LUC7L2: variants seen among roughly 807,000 people sequenced by gnomAD.
LUC7L2 encodes the protein LUC7 like 2, pre-mRNA splicing factor, also known as putative RNA-binding protein Luc7-like 2.
A neutral mutation model predicts 52.8 loss-of-function variants in LUC7L2; 25 were observed. That is an observed-to-expected ratio of 0.47 (90% CI 0.34 to 0.66). LUC7L2 has a LOEUF of 0.66. Ranked by LOEUF, LUC7L2 falls within the 30% of genes least tolerant of loss-of-function variation. The pLI, the probability that LUC7L2 is intolerant of heterozygous loss-of-function variation, is 0.01. For missense variants in LUC7L2, 328 were observed against 497.8 expected, an observed-to-expected ratio of 0.66 and a Z score of 3.25; for synonymous variants, 144 against 160.9, an observed-to-expected ratio of 0.89 and a Z score of 0.80.
At chr7:139,415,007 C>A (rs1454716248) in intron 8 of LUC7L2, among the ~76,000 whole-genome samples, 1 of 151,142 alleles carries the variant, frequency 6.6e-6, no homozygotes, top group African/African-American at 2.4e-5. Flanking sequence ...CTACCTTAGG[C>A]TCCCTAGTAG....
At chr7:139,407,022 T>TTTTTTTTGTG in intron 5 of LUC7L2, 152 bp from the exon 6 acceptor site, 1 of 319,780 alleles carries the variant, frequency 3.1e-6, no homozygotes, top group African/African-American at 2.3e-5. Context: ...TTTTTTTTTT[T>TTTTTTTTGTG]GAGCTGGAGT....
intron 1 of LUC7L2, among the ~76,000 whole-genome samples, chr7:139,368,652 T>G (rs555159599): frequency 2.0e-5 from 3 of 149,632 alleles, no homozygotes; most frequent in African/African-American, 7.6e-5. Flanking sequence ...GTTGGAGAAT[T>G]GTTTGAACCC....
intron 1 of LUC7L2, among the ~76,000 whole-genome samples, chr7:139,369,038 G>T (rs1183508147): frequency 6.6e-6 from 1 of 151,786 alleles, no homozygotes; most frequent in Non-Finnish European, 1.5e-5. Flanking sequence ...GGAGGCTCTA[G>T]TTGGCTTCTG....
chr7:139,357,380 G>A (rs1406065425), upstream of LUC7L2, among the ~76,000 whole-genome samples: 1 of 151,964 alleles, frequency 6.6e-6, no homozygotes, highest in African/African-American at 2.4e-5. Context: ...ATTATGTATT[G>A]TATAGACTAT....
intron 5 of LUC7L2, 101 bp from the exon 6 acceptor site, chr7:139,407,073 T>A (rs1435382909): frequency 1.6e-6 from 2 of 1,247,034 alleles, no homozygotes; most frequent in Non-Finnish European, 2.0e-6. Context: ...CTTTTGTGTA[T>A]TTTTTAGAAA....
chr7:139,407,926 AAAG>A (rs1161421521), intron 6 of LUC7L2, among the ~76,000 whole-genome samples: 30 of 152,350 alleles, frequency 2.0e-4, no homozygotes, highest in Non-Finnish European at 4.0e-4. Context: ...TAAACACAAA[AAAG>A]CATGGTGATA....
upstream of LUC7L2, among the ~76,000 whole-genome samples, chr7:139,355,062 T>C (rs925226796): frequency 6.6e-6 from 1 of 152,128 alleles, no homozygotes; most frequent in African/African-American, 2.4e-5. Context: ...GGTTTCTCCA[T>C]GTTGCCCAGG....
chr7:139,367,194 A>G (rs1441855836), intron 1 of LUC7L2, among the ~76,000 whole-genome samples: 2 of 151,832 alleles, frequency 1.3e-5, no homozygotes, highest in African/African-American at 2.4e-5. Context: ...CTGGTCTCAA[A>G]CTCCTGACCT....
chr7:139,395,669 C>T (rs780450607), intron 2 of LUC7L2, among the ~76,000 whole-genome samples: 1 of 152,178 alleles, frequency 6.6e-6, no homozygotes, highest in Admixed American at 6.5e-5. Context: ...GAGACAGGGT[C>T]TAGCTCTGTC....
intron 3 of LUC7L2, among the ~76,000 whole-genome samples, chr7:139,398,903 C>T (rs1385679402): frequency 6.6e-6 from 1 of 152,002 alleles, no homozygotes; most frequent in Admixed American, 6.6e-5. Context: ...GTGTAACAGT[C>T]GTATGATTCA....
In LUC7L2 at chr7:139,423,409, T is replaced by C. The variant is rs540090427; in HGVS notation, c.*1069T>C. On this transcript the variant is annotated 3_prime_UTR_variant, in exon 10 of 10. Coordinates refer to ENST00000354926, the MANE Select transcript of LUC7L2 (RefSeq NM_016019.5). Reference sequence around the variant, plus strand: ...ACCTGCAGAAGAAACTGGGGTGTTTTTATTCTCATTCAACAAACCCAAATA... The same window carrying C: ...ACCTGCAGAAGAAACTGGGGTGTTTCTATTCTCATTCAACAAACCCAAATA... 1 of 398,992 alleles carries C rather than the reference T, an allele frequency of 2.5e-6. No homozygotes were observed. Among genetic ancestry groups the C allele is most frequent in the South Asian group, 1.3e-4 (1 of 7,858 alleles). The allele number at this position is 398,992 out of a possible 1,614,324, so 24.7% of individuals were successfully genotyped here.
In LUC7L2 at chr7:139,422,616, T is replaced by C. The variant is rs1159976472; in HGVS notation, c.*276T>C. On this transcript the variant is annotated 3_prime_UTR_variant, in exon 10 of 10. Transcript: ENST00000354926. ...TTATTCTTTCAAGTAAGAGTGCTAG[T>C]GAACAAATTGTGTTACTTGCCTTGG... 7 of 609,172 alleles carry C rather than the reference T, an allele frequency of 1.1e-5. No individual in the cohort carries two copies. The African/African-American group carries it at 1.3e-4, about 12-fold the overall frequency. 37.7% of individuals were successfully genotyped at this position (609,172 alleles called of 1,614,324 possible). A position where few individuals can be genotyped will look rare whatever the true frequency, so the allele number is the denominator to read the frequency against.
intron 2 of LUC7L2, among the ~76,000 whole-genome samples, chr7:139,381,374 A>AT (rs61524901): frequency 9.7e-6 from 1 of 102,722 alleles, no homozygotes; most frequent in Non-Finnish European, 2.2e-5. Context: ...ATTTTATTTT[A>AT]TTTTTATTTT....
chr7:139,405,255 A>T (rs1795069419), intron 4 of LUC7L2, among the ~76,000 whole-genome samples: 1 of 152,234 alleles, frequency 6.6e-6, no homozygotes, highest in South Asian at 2.1e-4. Flanking sequence ...AGAAGAGTAT[A>T]TGCAAAGTAA....
At chr7:139,357,851 C>T (rs185672274), upstream of LUC7L2, among the ~76,000 whole-genome samples, 8 of 151,890 alleles carry the variant, frequency 5.3e-5, no homozygotes, top group East Asian at 1.4e-3. Context: ...GCCACCACGC[C>T]CAGCTCATTT....
At chr7:139,395,115 G>A (rs1368144668) in intron 2 of LUC7L2, among the ~76,000 whole-genome samples, 2 of 152,210 alleles carry the variant, frequency 1.3e-5, no homozygotes, top group African/African-American at 2.4e-5. Context: ...GTAGCATCAT[G>A]TGAACAGCTA....
chr7:139,395,978 T>A (rs1022765853), intron 2 of LUC7L2, among the ~76,000 whole-genome samples: 1 of 152,094 alleles, frequency 6.6e-6, no homozygotes, highest in Non-Finnish European at 1.5e-5. Context: ...TTTTTAATAG[T>A]CACAACATCT....
At chr7:139,384,161 T>A (rs1794088040) in intron 2 of LUC7L2, among the ~76,000 whole-genome samples, 1 of 152,210 alleles carries the variant, frequency 6.6e-6, no homozygotes, top group South Asian at 2.1e-4. Flanking sequence ...TATTTTGGGC[T>A]GCCTTGGTAT....
At chr7:139,351,365 T>A (rs1799453332) in intron 1 of LUC7L2, among the ~76,000 whole-genome samples, 1 of 152,242 alleles carries the variant, frequency 6.6e-6, no homozygotes, top group African/African-American at 2.4e-5. Context: ...TCTTTACTGC[T>A]TTCTCTCCTT....
Sources: gnomAD v4.1 joint callset for allele counts (sites outside exome capture counted in the v4.1 genomes callset) on GRCh38, gnomAD v4.1.1 for gene constraint, MANE v1.5 for transcripts, NCBI Gene and HGNC (gene_info 2026-07-23, HGNC 2026-07-21) for gene names.